CPLX2: variants seen among roughly 807,000 people sequenced by gnomAD.
CPLX2 encodes complexin 2, also known as complexin-2.
CPLX2 carries 5 observed loss-of-function variants against 16.3 expected under a neutral mutation model. That is an observed-to-expected ratio of 0.31 (90% CI 0.16 to 0.64). The LOEUF (loss-of-function observed/expected upper bound fraction) is 0.64, where lower values mean the gene tolerates loss of function less well. CPLX2 is among the 30% of genes least tolerant of loss of function. CPLX2 has a pLI of 0.79. For synonymous variants in CPLX2, 89 were observed against 73.2 expected, an observed-to-expected ratio of 1.22 and a Z score of -1.10; for missense variants, 144 against 181.4, an observed-to-expected ratio of 0.79 and a Z score of 1.18.
chr5:175,833,762 G>A (rs1758773983), intron 2 of CPLX2, among the ~76,000 whole-genome samples: 1 of 152,154 alleles, frequency 6.6e-6, no homozygotes, highest in Non-Finnish European at 1.5e-5. Flanking sequence ...CAGACGGAGG[G>A]GACTCTCTCC....
rs543152433 is a variant in CPLX2 at position 175,798,533 on chromosome 5, C to T, written c.-169+1749C>T. On this transcript the variant is annotated intron_variant, in intron 1 of 4. Transcript: ENST00000359546. ...TGTAAGGAAAGACCAGGAAAATGAC[C>T]CCAGGCAGACAGAGCTGTGTGTCAA... Among the ~76,000 whole-genome samples, 11 of 152,078 alleles carry T rather than the reference C, an allele frequency of 7.2e-5. 1 individual carries two copies. Among genetic ancestry groups the T allele is most frequent in the Non-Finnish European group, 1.3e-4 (9 of 68,006 alleles).
At chr5:175,807,794 A>C (rs1581067676) in intron 1 of CPLX2, among the ~76,000 whole-genome samples, 1 of 152,204 alleles carries the variant, frequency 6.6e-6, no homozygotes, top group African/African-American at 2.4e-5. Context: ...AGAAGCTCCT[A>C]TTCCAGCAAA....
intron 2 of CPLX2, among the ~76,000 whole-genome samples, chr5:175,818,262 G>A (rs56096025): frequency 0.012 from 1,813 of 152,180 alleles, 33 homozygotes; most frequent in African/African-American, 0.04. Flanking sequence ...GGGGCACCAT[G>A]GGCAAAGGCA....
At chr5:175,819,860 A>C (rs1240248463) in intron 2 of CPLX2, among the ~76,000 whole-genome samples, 1 of 152,256 alleles carries the variant, frequency 6.6e-6, no homozygotes, top group Admixed American at 6.5e-5. Context: ...GGATGTTCTC[A>C]GCCTGAAGCA....
rs539317563 is a variant in CPLX2, at chr5:175,807,318, G to A, written c.-168-1671G>A. Among the ~76,000 whole-genome samples, 13 of 152,332 alleles carry A rather than the reference G, an allele frequency of 8.5e-5. No individual in the cohort carries two copies. In the South Asian group the frequency reaches 1.2e-3, roughly 15 times the overall value. On this transcript the variant is annotated intron_variant, in intron 1 of 4. Transcript: ENST00000359546. ...GCACATACTATGTGCCAGATGACGC[G>A]CTAGCTGTTTGGGACTGAGCAGTAG... is the stretch of plus-strand genomic sequence containing the variant.
chr5:175,853,024 G>A (rs935653733), intron 2 of CPLX2, among the ~76,000 whole-genome samples: 2 of 152,196 alleles, frequency 1.3e-5, no homozygotes, highest in Non-Finnish European at 2.9e-5. Context: ...TCAGACTGAG[G>A]GCCCAGGCCC....
chr5:175,833,618 A>G (rs1030087678), intron 2 of CPLX2, among the ~76,000 whole-genome samples: 1 of 151,930 alleles, frequency 6.6e-6, no homozygotes, highest in Non-Finnish European at 1.5e-5. Flanking sequence ...CCTAGATCCC[A>G]CTCCAGGACT....
chr5:175,865,177 C>A (rs899316896), intron 2 of CPLX2, among the ~76,000 whole-genome samples: 3 of 152,178 alleles, frequency 2.0e-5, no homozygotes, highest in African/African-American at 7.2e-5. Context: ...TTTCCTCGAC[C>A]AGAGGCCCCA....
intron 2 of CPLX2, among the ~76,000 whole-genome samples, chr5:175,848,756 T>C (rs989640572): frequency 1.8e-4 from 28 of 151,844 alleles, no homozygotes; most frequent in African/African-American, 6.3e-4. Flanking sequence ...ATCAGAGGGG[T>C]TGCTTTGGGG....
intron 1 of CPLX2, among the ~76,000 whole-genome samples, chr5:175,798,515 A>G (rs1026082531): frequency 6.6e-6 from 1 of 152,154 alleles, no homozygotes; most frequent in African/African-American, 2.4e-5. Flanking sequence ...AACTGTAAGG[A>G]AAGACCAGGA....
At position 175,845,504 on chromosome 5, in the gene CPLX2, C is replaced by T. The variant is rs964516104; in HGVS notation, c.-88-33148C>T. 2.6e-5 allele frequency among the ~76,000 whole-genome samples: 4 copies of T among 152,342 alleles called. No individual in the cohort carries two copies. Among genetic ancestry groups the T allele is most frequent in the South Asian group, 4.1e-4 (2 of 4,830 alleles). On this transcript the variant is annotated intron_variant, in intron 2 of 4. Coordinates refer to the CPLX2 transcript ENST00000359546. This position sits in a 1 kb window ranked among gnomAD's most constrained non-coding sequence, Gnocchi z 4.0. ...ATCCCATCAGGCAAAGGTCACTCCCCCTCATGAGGGCCACTCCCCCTAGAG... is the reference window on the plus strand; with the variant it reads ...ATCCCATCAGGCAAAGGTCACTCCCTCTCATGAGGGCCACTCCCCCTAGAG...
chr5:175,821,249 G>A (rs567814787), intron 2 of CPLX2, among the ~76,000 whole-genome samples: 225 of 151,926 alleles, frequency 1.5e-3, no homozygotes, highest in Non-Finnish European at 1.7e-3. Flanking sequence ...TCAGCTCTAC[G>A]CAAGCAGGAC....
At chr5:175,828,414 G>A (rs1416912946) in intron 2 of CPLX2, among the ~76,000 whole-genome samples, 1 of 152,228 alleles carries the variant, frequency 6.6e-6, no homozygotes, top group Non-Finnish European at 1.5e-5. Flanking sequence ...AGGGTAGAGA[G>A]TAGAAGTGAT....
chr5:175,846,521 A>C (rs1759047493), intron 2 of CPLX2, among the ~76,000 whole-genome samples: 1 of 152,146 alleles, frequency 6.6e-6, no homozygotes, highest in South Asian at 2.1e-4. Flanking sequence ...CATTTATTGA[A>C]CACCAACTGC....
intron 2 of CPLX2, among the ~76,000 whole-genome samples, chr5:175,814,280 G>A (rs1758365590): frequency 6.6e-6 from 1 of 152,242 alleles, no homozygotes; most frequent in Non-Finnish European, 1.5e-5. Context: ...GAGGGAGATT[G>A]CTGGGCAGGT....
chr5:175,800,467 A>G (rs769464562), intron 1 of CPLX2, among the ~76,000 whole-genome samples: 27 of 145,206 alleles, frequency 1.9e-4, no homozygotes, highest in Non-Finnish European at 3.6e-4. Flanking sequence ...CCTGGGCAAC[A>G]AGGCAAGACT....
At chr5:175,825,150 A>C (rs558195699) in intron 2 of CPLX2, among the ~76,000 whole-genome samples, 46 of 152,248 alleles carry the variant, frequency 3.0e-4, no homozygotes, top group African/African-American at 1.0e-3. Context: ...TAATCCCAGC[A>C]CTTTGGGAGG....
intron 1 of CPLX2, among the ~76,000 whole-genome samples, chr5:175,801,224 A>G (rs933283293): frequency 2.0e-5 from 3 of 151,190 alleles, no homozygotes; most frequent in East Asian, 1.9e-4. Context: ...AGTGGATGAT[A>G]TGGGGGTGCT....
intron 1 of CPLX2, chr5:175,871,913 C>G (rs1329041758): frequency 1.3e-5 from 2 of 152,254 alleles, no homozygotes; most frequent in African/African-American, 4.8e-5. Flanking sequence ...GCTGAAAGGA[C>G]AGCTCCTTGC....
Sources: gnomAD v4.1 joint callset for allele counts (sites outside exome capture counted in the v4.1 genomes callset) on GRCh38, gnomAD v4.1.1 for gene constraint, Gnocchi (gnomAD v3.1) non-coding constraint, MANE v1.5 for transcripts, NCBI Gene and HGNC (gene_info 2026-07-23, HGNC 2026-07-21) for gene names.